The following NRDE2 variants were observed in gnomAD, a reference collection of about 807,000 sequenced individuals.
NRDE2 encodes the protein nuclear exosome regulator NRDE2.
A neutral mutation model predicts 124.2 loss-of-function variants in NRDE2; 76 were observed. That is an observed-to-expected ratio of 0.61 (90% CI 0.51 to 0.74). NRDE2 has a LOEUF of 0.74. Ranked by LOEUF, NRDE2 falls within the 30% of genes least tolerant of loss-of-function variation. NRDE2 has a pLI of 0.00. For missense variants in NRDE2, 1,314 were observed against 1,417.3 expected (o/e 0.93, Z 1.17); for synonymous variants, 489 against 528.1 (o/e 0.93, Z 1.01).
At chr14:90,283,163 G>A (rs1164926974) in intron 12 of NRDE2, among the ~76,000 whole-genome samples, 1 of 152,152 alleles carries the variant, frequency 6.6e-6, no homozygotes, top group Non-Finnish European at 1.5e-5. Flanking sequence ...TTTTCACTGT[G>A]TTAACAAAGT....
intron 1 of NRDE2, among the ~76,000 whole-genome samples, chr14:90,323,069 T>C (rs1248418656): frequency 6.6e-6 from 1 of 152,186 alleles, no homozygotes; most frequent in African/African-American, 2.4e-5. Context: ...CTGCCATACA[T>C]TGTATTATGC....
Position 90,279,093 on chromosome 14 carries a change from T to C in NRDE2, c.3338A>G (p.Tyr1113Cys). ...GNKERSKGVF[Y>C]KALQNCPWAK... ...CCAAGGGCAATTCTGAAGTGCTTTG[T>C]AGAATACACCTTTGCTTCTTTCTTT... is the stretch of plus-strand genomic sequence containing the variant. Residue 1113 changes from tyrosine (Y) to cysteine (C), a missense_variant, in exon 13 of 14, where the codon TAC becomes TGC. Coordinates refer to ENST00000354366, the MANE Select transcript of NRDE2 (RefSeq NM_017970.4). 1.2e-6 allele frequency: 2 copies of C among 1,612,904 alleles called. No homozygotes were observed. Among genetic ancestry groups the C allele is most frequent in the Non-Finnish European group, 1.7e-6 (2 of 1,178,778 alleles).
chr14:90,292,665 A>T (rs757669198), intron 9 of NRDE2, 32 bp downstream of exon 9: 3 of 1,598,804 alleles, frequency 1.9e-6, no homozygotes, highest in Non-Finnish European at 2.6e-6. Context: ...GACCCCCTGG[A>T]CAGCTTCCTG....
chr14:90,307,964 TC>T (rs1220934130), intron 4 of NRDE2, among the ~76,000 whole-genome samples: 6 of 152,190 alleles, frequency 3.9e-5, no homozygotes, highest in Non-Finnish European at 5.9e-5. Flanking sequence ...CTCAGCCTTG[TC>T]TTGAACCCCT....
At position 90,277,918 on chromosome 14, in the gene NRDE2, TC is replaced by T. The variant is rs1001727314; in HGVS notation, c.*417del. ...CCTGCTCACCAGCCTGGGGAAGACA[TC>T]CTAGTGCTGAAAAACCAGACCTTTA... On this transcript the variant is annotated 3_prime_UTR_variant, in exon 14 of 14. Transcript: ENST00000354366. The T allele has an allele frequency of 6.0e-6, 1 of 166,734 alleles. No homozygotes were observed. The highest frequency in any genetic ancestry group is 1.3e-5 in the Non-Finnish European group (1 of 76,274). The allele number at this position is 166,734 out of a possible 1,614,324, so 10.3% of individuals were successfully genotyped here.
chr14:90,269,913 T>C lies in NRDE2; in HGVS notation c.*8423A>G, dbSNP rs1172615006. On this transcript the variant is annotated 3_prime_UTR_variant, in exon 14 of 14. Coordinates refer to ENST00000354366, the MANE Select transcript of NRDE2 (RefSeq NM_017970.4). Reference sequence around the variant, plus strand: ...GTGATTTGTTTGCTGTCTTTTGTAATGTTTTTAACACAATAGGTCTGCCCA... The same window carrying C: ...GTGATTTGTTTGCTGTCTTTTGTAACGTTTTTAACACAATAGGTCTGCCCA... The C allele has an allele frequency of 1.3e-5, 5 of 396,220 alleles. No homozygotes were observed. The Admixed American group carries it at 1.7e-4, about 13-fold the overall frequency. The allele number at this position is 396,220 out of a possible 1,614,324, so 24.5% of individuals were successfully genotyped here.
At chr14:90,280,676 T>C (rs961898886) in intron 12 of NRDE2, 3 of 152,226 alleles carry the variant, frequency 2.0e-5, no homozygotes, top group Non-Finnish European at 4.4e-5. Flanking sequence ...AGACGTGGCC[T>C]GCGTGTACCT....
In NRDE2 at chr14:90,289,065, G is replaced by A. The variant is rs1377525207; in HGVS notation, c.2310C>T (p.Leu770=). 3.7e-6 allele frequency: 6 copies of A among 1,613,948 alleles called. No individual in the cohort carries two copies. In the African/African-American group the frequency reaches 8.0e-5, roughly 22 times the overall value. The change falls in exon 11 of 14, where the codon CTC becomes CTT. Residue 770 remains leucine (L), a synonymous_variant. Coordinates refer to ENST00000354366, the MANE Select transcript of NRDE2 (RefSeq NM_017970.4). ...TGTTGCAGTTTTCTGGCTCCTTAAG[G>A]AGATTCTTGGCTAGTTTTTTGCAGT... ...GKNCKKLAKN[L]LKEPENCNNF...
In NRDE2 at chr14:90,298,350, C is replaced by T; in HGVS notation, c.1576G>A (p.Gly526Arg). 6.2e-7 allele frequency: 1 copy of T among 1,613,796 alleles called. No homozygotes were observed. The highest frequency in any genetic ancestry group is 8.5e-7 in the Non-Finnish European group (1 of 1,180,004). Residue 526 changes from glycine (G) to arginine (R), a missense_variant, in exon 8 of 14, where the codon GGA becomes AGA. Transcript: ENST00000354366. ...VEFFEPFWDS[G>R]EPRAGEKGAR... ...CCCTTCTCCCCAGCCCGGGGCTCTCCACTGTCCCAAAAGGGTTCAAAGAAT... is the reference window on the plus strand; with the variant it reads ...CCCTTCTCCCCAGCCCGGGGCTCTCTACTGTCCCAAAAGGGTTCAAAGAAT...
chr14:90,290,438 A>C lies in NRDE2; in HGVS notation c.2012T>G (p.Leu671Arg). ...AAAAGTCAAGGGCTTTTCATCATAAAGTCCATTATCAAAGATGCTGTTCTC... is the reference window on the plus strand; with the variant it reads ...AAAAGTCAAGGGCTTTTCATCATAACGTCCATTATCAAAGATGCTGTTCTC... ...MDENSIFDNG[L>R]YDEKPLTFFN... The change falls in exon 10 of 14, where the codon CTT becomes CGT. Residue 671 changes from leucine (L) to arginine (R), a missense_variant. Physicochemically the swap from Leu to Arg is moderately radical, Grantham distance 102. Coordinates refer to ENST00000354366, the MANE Select transcript of NRDE2 (RefSeq NM_017970.4). 1 of 1,614,120 alleles carries C rather than the reference A, an allele frequency of 6.2e-7. No homozygotes were observed. The highest frequency in any genetic ancestry group is 8.5e-7 in the Non-Finnish European group (1 of 1,180,036).
chr14:90,279,233 G>T, intron 12 of NRDE2, 100 bp from the exon 13 acceptor site: 1 of 906,352 alleles, frequency 1.1e-6, no homozygotes. Context: ...CTCAGCTGCA[G>T]TGAGCCCACC....
chr14:90,297,311 A>G (rs1884208888), intron 8 of NRDE2, among the ~76,000 whole-genome samples: 1 of 152,130 alleles, frequency 6.6e-6, no homozygotes, highest in Admixed American at 6.5e-5. Context: ...CTGGTTAATA[A>G]TTTTAAAATA....
rs1566678010 is a variant in NRDE2 at position 90,274,809 on chromosome 14, C to T, written c.*3527G>A. 4.4e-5 allele frequency: 3 copies of T among 68,214 alleles called. No individual in the cohort carries two copies. Among genetic ancestry groups the T allele is most frequent in the African/African-American group, 2.0e-4 (3 of 14,862 alleles). 4.2% of individuals were successfully genotyped at this position (68,214 alleles called of 1,614,324 possible). A position where few individuals can be genotyped will look rare whatever the true frequency, so the allele number is the denominator to read the frequency against. On this transcript the variant is annotated 3_prime_UTR_variant, in exon 14 of 14. Coordinates refer to ENST00000354366, the MANE Select transcript of NRDE2 (RefSeq NM_017970.4). The stretch of plus-strand genomic sequence containing the variant: ...AACTACACACACACACACACACACA[C>T]ACACACACACACACACACACACACA...
chr14:90,326,682 A>G (rs986590286), intron 1 of NRDE2, among the ~76,000 whole-genome samples: 3 of 152,186 alleles, frequency 2.0e-5, no homozygotes, highest in African/African-American at 4.8e-5. Context: ...TACAATCTCA[A>G]CGTTAGGCTA....
intron 12 of NRDE2, among the ~76,000 whole-genome samples, chr14:90,286,067 C>T (rs1892094127): frequency 6.6e-6 from 1 of 152,180 alleles, no homozygotes; most frequent in Non-Finnish European, 1.5e-5. Flanking sequence ...CTCAGAGAAA[C>T]CCACATTAAA....
At chr14:90,315,957 C>CAAAAAAAAAA (rs59604203) in intron 3 of NRDE2, among the ~76,000 whole-genome samples, 17 of 74,368 alleles carry the variant, frequency 2.3e-4, no homozygotes, top group Admixed American at 6.8e-4. Flanking sequence ...AACCCCGTCT[C>CAAAAAAAAAA]AAAAAAAAAA....
chr14:90,305,568 T>TA (rs147360740), intron 4 of NRDE2, among the ~76,000 whole-genome samples: 4 of 152,314 alleles, frequency 2.6e-5, no homozygotes, highest in Admixed American at 6.5e-5. Context: ...GGTACAGCCA[T>TA]ACAATGGAAT....
In NRDE2 at chr14:90,312,636, C is replaced by T. The variant is rs1884888196; in HGVS notation, c.408-93G>A. The T allele has an allele frequency of 2.9e-5, 35 of 1,192,538 alleles. No homozygotes were observed. The South Asian group carries it at 4.4e-4, about 15-fold the overall frequency. The allele number at this position is 1,192,538 out of a possible 1,614,324, so 73.9% of individuals were successfully genotyped here. On this transcript the variant is annotated intron_variant, in intron 3 of 13. Coordinates refer to ENST00000354366, the MANE Select transcript of NRDE2 (RefSeq NM_017970.4). ...TTTTCAGCAATATGAGAGTTAAACA[C>T]TTCAAACTCCACATGGCATCAAACA...
Position 90,304,105 on chromosome 14 carries a change from T to G in NRDE2, c.835A>C (p.Thr279Pro), listed in dbSNP as rs761651321. The G allele has an allele frequency of 1.2e-6, 2 of 1,614,176 alleles. No individual in the cohort carries two copies. The highest frequency in any genetic ancestry group is 1.3e-5 in the African/African-American group (1 of 75,036). Residue 279 changes from threonine (T) to proline (P), a missense_variant, in exon 5 of 14, where the codon ACC becomes CCC. Coordinates refer to ENST00000354366, the MANE Select transcript of NRDE2 (RefSeq NM_017970.4). ...LNPLGIYDQS[T>P]THWLQGQGPP... Reference sequence around the variant, plus strand: ...CCCTGTCCTTGTAGCCAATGTGTGGTTGACTGATCATAAATCCCCAGAGGA... The same window carrying G: ...CCCTGTCCTTGTAGCCAATGTGTGGGTGACTGATCATAAATCCCCAGAGGA...
Sources: gnomAD v4.1 joint callset for allele counts (sites outside exome capture counted in the v4.1 genomes callset) on GRCh38, gnomAD v4.1.1 for gene constraint, MANE v1.5 for transcripts, NCBI Gene and HGNC (gene_info 2026-07-23, HGNC 2026-07-21) for gene names.